Variants in C2orf66 observed in about 807,000 individuals in gnomAD.
The protein encoded by C2orf66 is uncharacterized protein C2orf66.
Under a neutral mutation model 7.0 loss-of-function variants are expected in C2orf66, and 6 were observed. The ratio of observed to expected loss-of-function variants is 0.86; its 90% CI spans 0.47 to 1.69. The LOEUF is 1.69. C2orf66 is among the 40% of genes most tolerant of loss of function. The pLI, the probability that C2orf66 is intolerant of heterozygous loss-of-function variation, is 0.01. For missense variants in C2orf66, 107 were observed against 112.0 expected (o/e 0.96, Z 0.20); for synonymous variants, 38 against 43.8 (o/e 0.87, Z 0.52).
chr2:196,828,279 A>ACAC, the C2orf66 span, among the ~76,000 whole-genome samples: 1 of 121,212 alleles, frequency 8.3e-6, no homozygotes, highest in Non-Finnish European at 1.8e-5. Context: ...CACACACACA[A>ACAC]AGCAACCTAG....
chr2:196,820,479 T>C, the C2orf66 span, among the ~76,000 whole-genome samples: 1 of 152,220 alleles, frequency 6.6e-6, no homozygotes, highest in Non-Finnish European at 1.5e-5. Context: ...GCCCTTCTGA[T>C]GTAGGATAAT....
the C2orf66 span, among the ~76,000 whole-genome samples, chr2:196,819,825 C>A: frequency 1.3e-5 from 2 of 152,288 alleles, no homozygotes; most frequent in East Asian, 3.9e-4. Flanking sequence ...TTGTATCATT[C>A]ACCAGAGATT....
At chr2:196,830,589 G>C in the C2orf66 span, among the ~76,000 whole-genome samples, 2 of 152,190 alleles carry the variant, frequency 1.3e-5, no homozygotes, top group East Asian at 3.8e-4. Flanking sequence ...GTTCTTGTAA[G>C]AGGAGCATTT....
At chr2:196,827,193 C>T in the C2orf66 span, among the ~76,000 whole-genome samples, 17 of 143,726 alleles carry the variant, frequency 1.2e-4, no homozygotes, top group African/African-American at 4.4e-4. Context: ...GAGCCATGAT[C>T]GTGCCACTGT....
At chr2:196,807,950 A>G (rs898809796) in intron 1 of C2orf66, among the ~76,000 whole-genome samples, 4 of 152,218 alleles carry the variant, frequency 2.6e-5, no homozygotes, top group African/African-American at 9.6e-5. Flanking sequence ...CTCCATAATA[A>G]GCAGCTCAGT....
chr2:196,807,706 CTGAAT>C, intron 1 of C2orf66, 84 bp from the exon 2 acceptor site: 1 of 1,133,732 alleles, frequency 8.8e-7, no homozygotes, highest in South Asian at 1.4e-5. Context: ...TATTTTTCCC[CTGAAT>C]TGACTTTAAG....
Position 196,809,180 on chromosome 2 carries a change from T to C in C2orf66, c.123+34A>G, listed in dbSNP as rs143711016. The C allele has an allele frequency of 5.8e-4, 930 of 1,602,454 alleles. 9 individuals carry two copies. In the East Asian group the frequency reaches 0.011, roughly 20 times the overall value. On this transcript the variant is annotated intron_variant, in intron 1 of 2. Transcript: ENST00000342506. ...CGTAAATCCAAAGAGGCATTAGTTCTATCCTGAAACCCAGGCCCCAAGTGT... is the reference window on the plus strand; with the variant it reads ...CGTAAATCCAAAGAGGCATTAGTTCCATCCTGAAACCCAGGCCCCAAGTGT...
chr2:196,829,910 C>T, the C2orf66 span, among the ~76,000 whole-genome samples: 362 of 150,806 alleles, frequency 2.4e-3, 3 homozygotes, highest in African/African-American at 8.2e-3. Context: ...ACAAAACAAA[C>T]AAAACAAAAA....
the C2orf66 span, among the ~76,000 whole-genome samples, chr2:196,818,702 G>A: frequency 6.6e-6 from 1 of 152,194 alleles, no homozygotes; most frequent in Non-Finnish European, 1.5e-5. Flanking sequence ...ACTGAACTGA[G>A]AACCAGGTTC....
chr2:196,810,487 G>T (rs1699863796), upstream of C2orf66, among the ~76,000 whole-genome samples: 1 of 151,922 alleles, frequency 6.6e-6, no homozygotes, highest in African/African-American at 2.4e-5. Context: ...AGAGCAAGAA[G>T]ATAACACATG....
chr2:196,828,774 GT>G, the C2orf66 span, among the ~76,000 whole-genome samples: 3,527 of 152,288 alleles, frequency 0.023, 69 homozygotes, highest in Middle Eastern at 0.037. Context: ...AAAAGGCTAT[GT>G]GGTAGGGCAT....
chr2:196,829,778 T>C, the C2orf66 span, among the ~76,000 whole-genome samples: 1 of 151,774 alleles, frequency 6.6e-6, no homozygotes, highest in African/African-American at 2.4e-5. Flanking sequence ...GCGCCTGTAG[T>C]CCCAGCTACT....
At chr2:196,810,524 T>C (rs570071223), upstream of C2orf66, among the ~76,000 whole-genome samples, 7 of 152,370 alleles carry the variant, frequency 4.6e-5, no homozygotes, top group East Asian at 1.3e-3. Context: ...TAAATTACTA[T>C]ACCTACAACA....
At chr2:196,812,454 T>A (rs1354522804), upstream of C2orf66, among the ~76,000 whole-genome samples, 1 of 152,180 alleles carries the variant, frequency 6.6e-6, no homozygotes, top group African/African-American at 2.4e-5. Flanking sequence ...GAGCTATTTA[T>A]CACAAACCCG....
At chr2:196,817,230 CT>C in the C2orf66 span, among the ~76,000 whole-genome samples, 367 of 111,706 alleles carry the variant, frequency 3.3e-3, 2 homozygotes, top group East Asian at 6.9e-3. Context: ...CAAGTATTGT[CT>C]TTTTTTTTTT....
chr2:196,810,440 A>C (rs1699863465), upstream of C2orf66, among the ~76,000 whole-genome samples: 3 of 152,234 alleles, frequency 2.0e-5, no homozygotes, highest in Non-Finnish European at 4.4e-5. Flanking sequence ...ACAAGTTTTA[A>C]ATAGTGGCAT....
chr2:196,829,156 T>C, the C2orf66 span, among the ~76,000 whole-genome samples: 2 of 151,620 alleles, frequency 1.3e-5, no homozygotes, highest in Admixed American at 1.3e-4. Flanking sequence ...CCAGAAAAAA[T>C]GAAAAAGAGA....
chr2:196,816,163 TGACA>T, the C2orf66 span, among the ~76,000 whole-genome samples: 1 of 152,160 alleles, frequency 6.6e-6, no homozygotes, highest in East Asian at 1.9e-4. Context: ...ATAGTGACTA[TGACA>T]GACAGGAGAG....
At chr2:196,830,636 G>GT in the C2orf66 span, among the ~76,000 whole-genome samples, 2 of 152,190 alleles carry the variant, frequency 1.3e-5, no homozygotes, top group East Asian at 3.8e-4. Flanking sequence ...GGGAACTTGC[G>GT]TAAGCGTGAA....
Sources: allele counts gnomAD v4.1 joint callset (sites outside exome capture counted in the v4.1 genomes callset), GRCh38; gene constraint gnomAD v4.1.1; transcripts MANE v1.5; gene names NCBI Gene and HGNC (gene_info 2026-07-23, HGNC 2026-07-21).